ENTPD1: variants seen among roughly 807,000 people sequenced by gnomAD.
The protein encoded by ENTPD1 is ectonucleoside triphosphate diphosphohydrolase 1.
ENTPD1 carries 33 observed loss-of-function variants against 57.0 expected under a neutral mutation model. The ratio of observed to expected loss-of-function variants is 0.58; its 90% CI spans 0.44 to 0.77. ENTPD1 has a LOEUF of 0.77. ENTPD1 is among the 30% of genes least tolerant of loss of function. ENTPD1 has a pLI of 0.00. For synonymous variants in ENTPD1, 202 were observed against 218.8 expected (o/e 0.92, Z 0.68); for missense variants, 501 against 603.4 (o/e 0.83, Z 1.78).
At chr10:95,750,114 G>A (rs1024473745) in intron 1 of ENTPD1, among the ~76,000 whole-genome samples, 3 of 152,160 alleles carry the variant, frequency 2.0e-5, no homozygotes, top group Admixed American at 6.5e-5. Flanking sequence ...GGATTCAAAT[G>A]TGACTCCAAG....
chr10:95,760,347 TTTC>T (rs2098051712), intron 1 of ENTPD1, among the ~76,000 whole-genome samples: 1 of 152,136 alleles, frequency 6.6e-6, no homozygotes, highest in Non-Finnish European at 1.5e-5. Flanking sequence ...TTGAAGATCT[TTTC>T]TCTCTTTTAC....
intron 1 of ENTPD1, among the ~76,000 whole-genome samples, chr10:95,768,879 G>T (rs1352668152): frequency 6.6e-6 from 1 of 152,088 alleles, no homozygotes; most frequent in Non-Finnish European, 1.5e-5. Flanking sequence ...TGTATGTATG[G>T]ATGAATGTGT....
chr10:95,858,719 C>T (rs1229554733), intron 7 of ENTPD1, among the ~76,000 whole-genome samples: 1 of 152,128 alleles, frequency 6.6e-6, no homozygotes, highest in Admixed American at 6.5e-5. Flanking sequence ...AGCTCGACTT[C>T]CTAGAGGAAT....
rs1171238092 is a variant in ENTPD1, at chr10:95,867,483, T to C, written c.*1100T>C. Reference sequence around the variant, plus strand: ...CAAGCCACATCTTATTTTTCCAAGGTTTAATTTAGTGAGAGGGCAGCATTA... The same window carrying C: ...CAAGCCACATCTTATTTTTCCAAGGCTTAATTTAGTGAGAGGGCAGCATTA... On this transcript the variant is annotated 3_prime_UTR_variant, in exon 10 of 10. Transcript: ENST00000371205. 1 of 985,340 alleles carries C rather than the reference T, an allele frequency of 1.0e-6. No homozygotes were observed. Among genetic ancestry groups the C allele is most frequent in the Non-Finnish European group, 1.2e-6 (1 of 829,940 alleles). The allele number at this position is 985,340 out of a possible 1,614,324, so 61.0% of individuals were successfully genotyped here.
chr10:95,822,683 T>C (rs2098357975), intron 1 of ENTPD1, among the ~76,000 whole-genome samples: 1 of 152,188 alleles, frequency 6.6e-6, no homozygotes, highest in Non-Finnish European at 1.5e-5. Context: ...TAAGATAATA[T>C]GAATTATGAT....
At chr10:95,725,066 A>G (rs1393513343) in intron 1 of ENTPD1, among the ~76,000 whole-genome samples, 1 of 152,090 alleles carries the variant, frequency 6.6e-6, no homozygotes. Context: ...TACTTGAATC[A>G]GATCCTTTCT....
the ENTPD1 span, among the ~76,000 whole-genome samples, chr10:95,694,895 A>AT: frequency 0.17 from 16,684 of 98,566 alleles, 2,153 homozygotes; most frequent in East Asian, 0.53. Flanking sequence ...TGAGGAGCTG[A>AT]TTTTTTTTTT....
chr10:95,740,987 A>G (rs1040587059), intron 1 of ENTPD1, among the ~76,000 whole-genome samples: 1 of 152,212 alleles, frequency 6.6e-6, no homozygotes, highest in Non-Finnish European at 1.5e-5. Flanking sequence ...CATATTAGTA[A>G]TAAGGCTGTT....
intron 5 of ENTPD1, 80 bp downstream of exon 5, chr10:95,844,715 AG>A: frequency 6.6e-7 from 1 of 1,522,210 alleles, no homozygotes; most frequent in Non-Finnish European, 9.1e-7. Context: ...TTGGGTCGCT[AG>A]CCAGAATGAA....
intron 1 of ENTPD1, among the ~76,000 whole-genome samples, chr10:95,807,051 G>A (rs146988996): frequency 0.015 from 2,312 of 152,328 alleles, 24 homozygotes; most frequent in Non-Finnish European, 0.023. Flanking sequence ...AGAGCTGTCA[G>A]ACAGGGATGT....
chr10:95,828,114 G>A (rs978172195), intron 2 of ENTPD1, among the ~76,000 whole-genome samples: 8 of 152,176 alleles, frequency 5.3e-5, no homozygotes, highest in African/African-American at 9.7e-5. Context: ...TGAGGAACAC[G>A]CGAGCGAGCA....
At chr10:95,784,010 T>G (rs926803483) in intron 1 of ENTPD1, among the ~76,000 whole-genome samples, 2 of 152,036 alleles carry the variant, frequency 1.3e-5, no homozygotes, top group African/African-American at 4.8e-5. Flanking sequence ...CCTAGTCATT[T>G]TTTTTCTTTT....
the ENTPD1 span, among the ~76,000 whole-genome samples, chr10:95,696,505 C>T: frequency 6.6e-6 from 1 of 152,170 alleles, no homozygotes; most frequent in South Asian, 2.1e-4. Flanking sequence ...GTCTCAAACT[C>T]CTGACCTCAA....
Position 95,867,879 on chromosome 10 carries a change from G to A in ENTPD1, c.*1496G>A. 15 of 985,428 alleles carry A rather than the reference G, an allele frequency of 1.5e-5. No homozygotes were observed. Among genetic ancestry groups the A allele is most frequent in the Non-Finnish European group, 1.8e-5 (15 of 829,928 alleles). The allele number at this position is 985,428 out of a possible 1,614,324, so 61.0% of individuals were successfully genotyped here. A position where few individuals can be genotyped will look rare whatever the true frequency, so the allele number is the denominator to read the frequency against. On this transcript the variant is annotated 3_prime_UTR_variant, in exon 10 of 10. Coordinates refer to ENST00000371205, the MANE Select transcript of ENTPD1 (RefSeq NM_001776.6). ...AAGTCACTTTTGACAACATCCAGGTGAATATAAAAACTTAATAAAGCTGTG... is the reference window on the plus strand; with the variant it reads ...AAGTCACTTTTGACAACATCCAGGTAAATATAAAAACTTAATAAAGCTGTG...
rs962436417 is a variant in ENTPD1 at position 95,875,932 on chromosome 10, T to G, written c.*9549T>G. The G allele has an allele frequency of 1.2e-5, 12 of 980,752 alleles. No homozygotes were observed. Among genetic ancestry groups the G allele is most frequent in the African/African-American group, 1.7e-5 (1 of 57,278 alleles). The allele number at this position is 980,752 out of a possible 1,614,324, so 60.8% of individuals were successfully genotyped here. The stretch of plus-strand genomic sequence containing the variant: ...GAATTCTGGAAGGTACAATTCAAGT[T>G]GAGATTTGGGTGGGGACACAGCCAA... On this transcript the variant is annotated 3_prime_UTR_variant, in exon 10 of 10. Coordinates refer to ENST00000371205, the MANE Select transcript of ENTPD1 (RefSeq NM_001776.6).
At chr10:95,715,412 C>T (rs1026246491) in intron 1 of ENTPD1, among the ~76,000 whole-genome samples, 2 of 151,946 alleles carry the variant, frequency 1.3e-5, no homozygotes, top group African/African-American at 4.8e-5. Flanking sequence ...TTTGTGCATG[C>T]TATTCAACCT....
chr10:95,737,832 T>A (rs776660820), intron 1 of ENTPD1, among the ~76,000 whole-genome samples: 2 of 152,228 alleles, frequency 1.3e-5, no homozygotes, highest in Non-Finnish European at 2.9e-5. Flanking sequence ...AACAGCCACC[T>A]TTGTTGCAGA....
chr10:95,822,734 A>G (rs1020498894), intron 1 of ENTPD1, among the ~76,000 whole-genome samples: 10 of 152,240 alleles, frequency 6.6e-5, no homozygotes, highest in Non-Finnish European at 8.8e-5. Context: ...GCCATTACCA[A>G]TTGCTTACTA....
In ENTPD1 at chr10:95,795,977, A is replaced by C. The variant is rs993257487; in HGVS notation, c.17-27260A>C. The stretch of plus-strand genomic sequence containing the variant: ...CAGATTTTGGGTTTACTGCCCAAAC[A>C]TCTGTCCCCTTGCTTCCTAGAAAAC... On this transcript the variant is annotated intron_variant, in intron 1 of 9. Coordinates refer to ENST00000371205, the MANE Select transcript of ENTPD1 (RefSeq NM_001776.6). 2.0e-5 allele frequency among the ~76,000 whole-genome samples: 3 copies of C among 152,208 alleles called. No homozygotes were observed. In the East Asian group the frequency reaches 5.8e-4, roughly 29 times the overall value.
Sources: gnomAD v4.1 joint callset for allele counts (sites outside exome capture counted in the v4.1 genomes callset) on GRCh38, gnomAD v4.1.1 for gene constraint, MANE v1.5 for transcripts, NCBI Gene and HGNC (gene_info 2026-07-23, HGNC 2026-07-21) for gene names.